Variants in TDRD9 observed in about 807,000 individuals in gnomAD.
The protein encoded by TDRD9 is tudor domain containing 9, also known as ATP-dependent RNA helicase TDRD9.
In TDRD9, 124 loss-of-function variants were observed where a neutral mutation model predicts 172.6. That is an observed-to-expected ratio of 0.72 (90% confidence interval 0.62 to 0.83). The LOEUF is 0.83. TDRD9 is among the 40% of genes least tolerant of loss of function. TDRD9 has a pLI of 0.00. For missense variants in TDRD9, 1,479 were observed against 1,714.1 expected (o/e 0.86, Z 2.42); for synonymous variants, 619 against 617.1 (o/e 1.00, Z -0.05).
rs1433586253 is a variant in TDRD9, at chr14:104,022,137, A to G, written c.2433-20A>G. ...CAGATGCCTGATAAATTTATTTTTA[A>G]ATTTACATTTGTGGAACAGAGCCTT... On this transcript the variant is annotated intron_variant, in intron 23 of 35. Transcript: ENST00000409874. 6.5e-7 allele frequency: 1 copy of G among 1,538,664 alleles called. No homozygotes were observed. Among genetic ancestry groups the G allele is most frequent in the Non-Finnish European group, 8.8e-7 (1 of 1,142,484 alleles).
rs758358600 is a variant in TDRD9 at position 103,997,302 on chromosome 14, G to T, written c.1379-1322G>T. On this transcript the variant is annotated intron_variant, in intron 12 of 35. Coordinates refer to ENST00000409874, the MANE Select transcript of TDRD9 (RefSeq NM_153046.3). The surrounding 1 kb of genome is among the most constrained non-coding windows in gnomAD (Gnocchi z 5.1). ...CAGCAGCGGTAGGGGACAGGAGGTG[G>T]GGGTAGATCCCAGGGAGATTCTGAA... 6.6e-6 allele frequency among the ~76,000 whole-genome samples: 1 copy of T among 152,176 alleles called. No homozygotes were observed. Among genetic ancestry groups the T allele is most frequent in the Non-Finnish European group, 1.5e-5 (1 of 68,034 alleles).
intron 34 of TDRD9, among the ~76,000 whole-genome samples, chr14:104,047,670 A>G (rs557461080): frequency 6.6e-6 from 1 of 152,194 alleles, no homozygotes; most frequent in East Asian, 1.9e-4. Flanking sequence ...ATACGGCCTC[A>G]CTGGTCTTTG....
chr14:103,956,392 C>T (rs886162066), intron 2 of TDRD9, among the ~76,000 whole-genome samples: 2 of 151,556 alleles, frequency 1.3e-5, no homozygotes, highest in Non-Finnish European at 2.9e-5. Flanking sequence ...GAGCCAAGAT[C>T]GTGCCACTGC....
intron 34 of TDRD9, among the ~76,000 whole-genome samples, chr14:104,045,192 A>G (rs2035731975): frequency 2.0e-5 from 3 of 151,958 alleles, no homozygotes; most frequent in South Asian, 4.2e-4. Context: ...AAATAGCTGT[A>G]CAATGTTACA....
chr14:103,999,642 G>GGCATTTAATCTTTTAATCTTCCT lies in TDRD9; in HGVS notation c.1483+914_1483+915insGCATTTAATCTTTTAATCTTCCT, dbSNP rs2034185928. Reference sequence around the variant, plus strand: ...GGCTTTTTTTTTTGTTTGTTTTTTAGAAAACCTTTTGGGAAGGGTAGATAA... The same window carrying GGCATTTAATCTTTTAATCTTCCT: ...GGCTTTTTTTTTTGTTTGTTTTTTAGGCATTTAATCTTTTAATCTTCCTAAAACCTTTTGGGAAGGGTAGATAA... On this transcript the variant is annotated intron_variant, in intron 13 of 35. Coordinates refer to ENST00000409874, the MANE Select transcript of TDRD9 (RefSeq NM_153046.3). Among the ~76,000 whole-genome samples, 15 of 125,954 alleles carry GGCATTTAATCTTTTAATCTTCCT rather than the reference G, an allele frequency of 1.2e-4. 2 individuals are homozygous for GGCATTTAATCTTTTAATCTTCCT. Among genetic ancestry groups the GGCATTTAATCTTTTAATCTTCCT allele is most frequent in the South Asian group, 2.4e-4 (1 of 4,162 alleles). 82.6% of individuals were successfully genotyped at this position (125,954 alleles called of 152,430 possible). A position where few individuals can be genotyped will look rare whatever the true frequency, so the allele number is the denominator to read the frequency against.
Position 104,005,419 on chromosome 14 carries a change from C to T in TDRD9, c.1713+14C>T. 1 of 1,613,790 alleles carries T rather than the reference C, an allele frequency of 6.2e-7. No homozygotes were observed. On this transcript the variant is annotated intron_variant, in intron 15 of 35. Coordinates refer to ENST00000409874, the MANE Select transcript of TDRD9 (RefSeq NM_153046.3). ...CTACTAAAGGAGGTAGGACTGCCTG[C>T]TGGTTAGTACTGTTGGCATCTGTAG...
intron 1 of TDRD9, among the ~76,000 whole-genome samples, chr14:103,933,724 G>A (rs2030556906): frequency 6.6e-6 from 1 of 152,092 alleles, no homozygotes; most frequent in Admixed American, 6.6e-5. Context: ...CCTAAGTCTT[G>A]GTTTTTGCAC....
intron 22 of TDRD9, among the ~76,000 whole-genome samples, chr14:104,016,422 T>C (rs1726705365): frequency 1.3e-5 from 2 of 152,186 alleles, no homozygotes; most frequent in Admixed American, 6.5e-5. Context: ...ACAACTTCAT[T>C]TCATACAAAA....
intron 1 of TDRD9, among the ~76,000 whole-genome samples, chr14:103,936,562 ACAAT>A (rs1276886431): frequency 2.6e-5 from 4 of 152,202 alleles, no homozygotes; most frequent in Admixed American, 1.3e-4. Context: ...ATATGGGTAT[ACAAT>A]CAAACAATAA....
At chr14:103,986,365 T>C (rs1358017922) in intron 8 of TDRD9, 45 bp downstream of exon 8, 2 of 1,368,566 alleles carry the variant, frequency 1.5e-6, no homozygotes, top group Non-Finnish European at 1.0e-6. Context: ...GTATATGTGA[T>C]TTAAAAAATT....
At chr14:103,937,666 T>C (rs1595891007) in intron 1 of TDRD9, among the ~76,000 whole-genome samples, 1 of 152,170 alleles carries the variant, frequency 6.6e-6, no homozygotes, top group Non-Finnish European at 1.5e-5. Context: ...TTCTGGCTTG[T>C]AGAGTTGAGT....
rs1307117776 is a variant in TDRD9, at chr14:103,997,982, G to A, written c.1379-642G>A. 6.6e-6 allele frequency among the ~76,000 whole-genome samples: 1 copy of A among 152,156 alleles called. No individual in the cohort carries two copies. The highest frequency in any genetic ancestry group is 1.5e-5 in the Non-Finnish European group (1 of 68,020). On this transcript the variant is annotated intron_variant, in intron 12 of 35. Transcript: ENST00000409874. This position sits in a 1 kb window ranked among gnomAD's most constrained non-coding sequence, Gnocchi z 5.1. Reference sequence around the variant, plus strand: ...TGCTGTAGGGGAGCAGAGGAAATGGGGCAGTAAGTGAAGGGGTGGCCCAAG... The same window carrying A: ...TGCTGTAGGGGAGCAGAGGAAATGGAGCAGTAAGTGAAGGGGTGGCCCAAG...
intron 15 of TDRD9, among the ~76,000 whole-genome samples, chr14:104,006,185 T>C (rs2034431953): frequency 6.6e-6 from 1 of 152,152 alleles, no homozygotes; most frequent in Non-Finnish European, 1.5e-5. Flanking sequence ...GATCATACTT[T>C]TAAAAAAAAA....
chr14:103,998,883 C>A (rs1028519436), intron 13 of TDRD9, among the ~76,000 whole-genome samples, 155 bp downstream of exon 13: 1 of 151,940 alleles, frequency 6.6e-6, no homozygotes, highest in South Asian at 2.1e-4. Flanking sequence ...AGCTCCGCTT[C>A]CCGGGTTCTT....
chr14:103,985,354 G>A (rs143477959), intron 7 of TDRD9, among the ~76,000 whole-genome samples: 1 of 152,192 alleles, frequency 6.6e-6, no homozygotes, highest in African/African-American at 2.4e-5. Context: ...TCTTATGATA[G>A]TGAGTAAGTC....
chr14:103,975,546 A>G lies in TDRD9; in HGVS notation c.1004A>G (p.His335Arg). Residue 335 changes from histidine to arginine, a missense_variant, in exon 7 of 36, where the codon CAT (histidine) becomes CGT (arginine). Physicochemically the swap from His to Arg is conservative, Grantham distance 29. Coordinates refer to ENST00000409874, the MANE Select transcript of TDRD9 (RefSeq NM_153046.3). ...CTTAATGATTTGGAGCACATTCATC[A>G]TAGCAAGGTATGTTAGAATGTGCTG... ...YYLNDLEHIH[H>R]SKLSPHLLEE... 6.2e-7 allele frequency: 1 copy of G among 1,603,426 alleles called. No homozygotes were observed. Among genetic ancestry groups the G allele is most frequent in the Non-Finnish European group, 8.5e-7 (1 of 1,174,316 alleles).
chr14:103,993,925 G>T (rs1018456732), intron 9 of TDRD9, among the ~76,000 whole-genome samples: 2 of 152,176 alleles, frequency 1.3e-5, no homozygotes, highest in African/African-American at 4.8e-5. Context: ...TCAGCAAACA[G>T]GACGGAGGCC....
intron 1 of TDRD9, among the ~76,000 whole-genome samples, chr14:103,946,994 G>C (rs1216046057): frequency 6.6e-6 from 1 of 151,540 alleles, no homozygotes; most frequent in Non-Finnish European, 1.5e-5. Flanking sequence ...TGCAATCTCT[G>C]CCAAAATCCT....
In TDRD9 at chr14:104,031,251, T is replaced by A. The variant is rs1159532484; in HGVS notation, c.3426T>A (p.Thr1142=). The change falls in exon 29 of 36, where the codon ACT becomes ACA. Residue 1142 remains threonine, a synonymous_variant. Coordinates refer to ENST00000409874, the MANE Select transcript of TDRD9 (RefSeq NM_153046.3). ...LESFSTNKLG[T]PNCKAELHGP... is the part of the protein sequence containing the mutation. Reference sequence around the variant, plus strand: ...GCTTTTCTACCAATAAACTGGGTACTCCAAACTGTAAGGTGATTGTAGGAG... The same window carrying A: ...GCTTTTCTACCAATAAACTGGGTACACCAAACTGTAAGGTGATTGTAGGAG... 6.4e-7 allele frequency: 1 copy of A among 1,550,466 alleles called. No individual in the cohort carries two copies. The highest frequency in any genetic ancestry group is 8.7e-7 in the Non-Finnish European group (1 of 1,146,566).
Sources: gnomAD v4.1 joint callset for allele counts (sites outside exome capture counted in the v4.1 genomes callset) on GRCh38, gnomAD v4.1.1 for gene constraint, Gnocchi (gnomAD v3.1) non-coding constraint, MANE v1.5 for transcripts, NCBI Gene and HGNC (gene_info 2026-07-23, HGNC 2026-07-21) for gene names.